VCPIP1: variants seen among roughly 807,000 people sequenced by gnomAD.
VCPIP1 encodes the protein valosin containing protein interacting protein 1.
VCPIP1 carries 8 observed loss-of-function variants against 85.0 expected under a neutral mutation model. The ratio of observed to expected loss-of-function variants is 0.09; its 90% CI spans 0.06 to 0.17. The LOEUF (loss-of-function observed/expected upper bound fraction) is 0.17, where lower values mean the gene tolerates loss of function less well. VCPIP1 is among the 10% of genes least tolerant of loss of function. The probability of loss-of-function intolerance (pLI) is 1.00; values close to 1 mark genes in which losing one functional copy is unlikely to be tolerated. For missense variants in VCPIP1, 1,070 were observed against 1,486.3 expected, an observed-to-expected ratio of 0.72 and a Z score of 4.61; for synonymous variants, 543 against 544.5, an observed-to-expected ratio of 1.00 and a Z score of 0.04.
At chr8:66,638,970 C>CTCTCTATA in intron 2 of VCPIP1, among the ~76,000 whole-genome samples, 14 of 118,434 alleles carry the variant, frequency 1.2e-4, no homozygotes, top group African/African-American at 5.1e-4. Flanking sequence ...CTCTCTCTCT[C>CTCTCTATA]TATATATATA....
Position 66,666,597 on chromosome 8 carries a change from C to G in VCPIP1, c.362G>C (p.Gly121Ala). 2 of 1,614,122 alleles carry G rather than the reference C, an allele frequency of 1.2e-6. No individual in the cohort carries two copies. The highest frequency in any genetic ancestry group is 1.7e-6 in the Non-Finnish European group (2 of 1,180,022). The change falls in exon 1 of 3, where the codon GGC (glycine) becomes GCC (alanine). Residue 121 changes from glycine (G) to alanine (A), a missense_variant. Gly to Ala is a moderately conservative substitution (Grantham distance 60). Transcript: ENST00000310421. The surrounding 1 kb of genome is among the most constrained non-coding windows in gnomAD (Gnocchi z 6.3). ...CAATTTGCAGTGATAGTTGGAAAGG[C>G]CCATCACCTTTACCAGTTCCGTGTT... ...KKNTELVKVM[G>A]LSNYHCKLLS...
intron 1 of VCPIP1, among the ~76,000 whole-genome samples, chr8:66,654,200 T>G: frequency 6.6e-6 from 1 of 152,196 alleles, no homozygotes; most frequent in East Asian, 1.9e-4. Flanking sequence ...GAAGGTCAAA[T>G]TGGCCAGGCT....
chr8:66,658,227 G>A (rs1349513314), intron 1 of VCPIP1, among the ~76,000 whole-genome samples: 1 of 151,382 alleles, frequency 6.6e-6, no homozygotes, highest in African/African-American at 2.4e-5. Flanking sequence ...CCAGCTACTC[G>A]GGAGGCTGAG....
chr8:66,655,856 T>C (rs915398134), intron 1 of VCPIP1, among the ~76,000 whole-genome samples: 4 of 152,092 alleles, frequency 2.6e-5, no homozygotes, highest in African/African-American at 4.8e-5. Flanking sequence ...ACTACAAAAG[T>C]AAAAATACTT....
rs1448805982 is a variant in VCPIP1 at position 66,637,377 on chromosome 8, C to T, written c.2798-2005G>A. Reference sequence around the variant, plus strand: ...CAAAACAAAACAAAAAACAAACACCCCAATTTAAAATATATATTTAAAAAT... The same window carrying T: ...CAAAACAAAACAAAAAACAAACACCTCAATTTAAAATATATATTTAAAAAT... On this transcript the variant is annotated intron_variant, in intron 2 of 2. Transcript: ENST00000310421. Among the ~76,000 whole-genome samples, 4 of 151,498 alleles carry T rather than the reference C, an allele frequency of 2.6e-5. No individual in the cohort carries two copies. The East Asian group carries it at 7.7e-4, about 29-fold the overall frequency.
intron 2 of VCPIP1, among the ~76,000 whole-genome samples, chr8:66,638,709 G>A (rs1429396255): frequency 6.6e-6 from 1 of 151,922 alleles, no homozygotes; most frequent in Admixed American, 6.6e-5. Context: ...AACCCAGGAG[G>A]CAGAGTTTGC....
At chr8:66,661,746 A>G (rs1452014641) in intron 1 of VCPIP1, among the ~76,000 whole-genome samples, 1 of 150,588 alleles carries the variant, frequency 6.6e-6, no homozygotes, top group Non-Finnish European at 1.5e-5. Flanking sequence ...AAAAATCTAT[A>G]TATAATCATA....
At chr8:66,658,574 C>A (rs985505126) in intron 1 of VCPIP1, among the ~76,000 whole-genome samples, 6 of 151,800 alleles carry the variant, frequency 4.0e-5, no homozygotes, top group African/African-American at 1.5e-4. Context: ...CTACAACCTC[C>A]GCCTCCTGGG....
intron 1 of VCPIP1, 31 bp downstream of exon 1, chr8:66,664,218 A>G: frequency 6.6e-7 from 1 of 1,514,926 alleles, no homozygotes; most frequent in Non-Finnish European, 8.8e-7. Context: ...TTTACAATTA[A>G]GATATACCAT....
chr8:66,664,880 A>C lies in VCPIP1; in HGVS notation c.2079T>G (p.Ile693Met), dbSNP rs762037002. ...AAGTTTTTGTTTTCTGTCCAGTAAG[A>C]ATAATTTTAGTTGGGAGCTGAGACT... is the stretch of plus-strand genomic sequence containing the variant. Reference protein sequence around the residue: ...ESESQLPTKIILTGQKTKTLH... With the variant: ...ESESQLPTKIMLTGQKTKTLH... The change falls in exon 1 of 3, where the codon ATT (isoleucine) becomes ATG (methionine). Residue 693 changes from isoleucine to methionine, a missense_variant. Transcript: ENST00000310421. The C allele has an allele frequency of 6.2e-7, 1 of 1,614,156 alleles. No homozygotes were observed. The highest frequency in any genetic ancestry group is 1.1e-5 in the South Asian group (1 of 91,082).
Position 66,665,524 on chromosome 8 carries a change from G to C in VCPIP1, c.1435C>G (p.His479Asp). The C allele has an allele frequency of 6.2e-7, 1 of 1,614,126 alleles. No individual in the cohort carries two copies. Among genetic ancestry groups the C allele is most frequent in the East Asian group, 2.2e-5 (1 of 44,878 alleles). ...CLLCGALSEL[H>D]VPPEWLAPGG... Reference sequence around the variant, plus strand: ...GGAGCCAACCACTCTGGAGGAACATGAAGTTCAGAAAGGGCACCACAGAGC... The same window carrying C: ...GGAGCCAACCACTCTGGAGGAACATCAAGTTCAGAAAGGGCACCACAGAGC... Residue 479 changes from histidine to aspartate, a missense_variant, in exon 1 of 3, where the codon CAT becomes GAT. His to Asp is a moderately conservative substitution (Grantham distance 81). Around this residue, in one of 8 missense-constraint regions of VCPIP1, gnomAD observed 83 missense variants for 134.6 expected, o/e 0.62. Transcript: ENST00000310421. The surrounding 1 kb of genome is among the most constrained non-coding windows in gnomAD (Gnocchi z 4.3).
chr8:66,664,116 A>G, intron 1 of VCPIP1, 133 bp downstream of exon 1: 1 of 1,194,562 alleles, frequency 8.4e-7, no homozygotes. Flanking sequence ...AAATACTAAA[A>G]ATAATTCTCT....
intron 2 of VCPIP1, among the ~76,000 whole-genome samples, chr8:66,635,922 A>T (rs1038140722): frequency 6.6e-6 from 1 of 150,600 alleles, no homozygotes; most frequent in African/African-American, 2.4e-5. Flanking sequence ...TCAAAAAAAA[A>T]AAAAAAAAAA....
chr8:66,667,017 C>T lies in VCPIP1; in HGVS notation c.-59G>A. 6.9e-7 allele frequency: 1 copy of T among 1,451,374 alleles called. No homozygotes were observed. Among genetic ancestry groups the T allele is most frequent in the South Asian group, 1.5e-5 (1 of 68,656 alleles). The allele number at this position is 1,451,374 out of a possible 1,614,324, so 89.9% of individuals were successfully genotyped here. A position where few individuals can be genotyped will look rare whatever the true frequency, so the allele number is the denominator to read the frequency against. On this transcript the variant is annotated 5_prime_UTR_variant, in exon 1 of 3. Transcript: ENST00000310421. ...AGGCGACCCTCAAAAGCTCATAGCC[C>T]AGACCCCCACCAACCCGACTCGGTC...
At chr8:66,659,739 T>C (rs945737496) in intron 1 of VCPIP1, among the ~76,000 whole-genome samples, 13 of 152,032 alleles carry the variant, frequency 8.6e-5, no homozygotes, top group African/African-American at 2.7e-4. Flanking sequence ...GAGACCAGCA[T>C]GGGCAACGTG....
chr8:66,656,854 C>G (rs1391466019), intron 1 of VCPIP1, among the ~76,000 whole-genome samples: 1 of 145,340 alleles, frequency 6.9e-6, no homozygotes, highest in Non-Finnish European at 1.5e-5. Flanking sequence ...AGGCGATCCG[C>G]CCCCTCGGCC....
rs753834400 is a variant in VCPIP1 at position 66,634,564 on chromosome 8, A to C, written c.3606T>G (p.Leu1202=). Residue 1202 remains leucine (L), a synonymous_variant, in exon 3 of 3, where the codon CTT becomes CTG. Transcript: ENST00000310421. ...CAGCATCTTGACTATCCATCTCTTC[A>C]AGCTCCTCCACGGAATTTCCCCTTT... ...KAQRGNSVEE[L]EEMDSQDAEM... The C allele has an allele frequency of 1.4e-5, 22 of 1,613,834 alleles. No homozygotes were observed. Among genetic ancestry groups the C allele is most frequent in the Non-Finnish European group, 1.7e-6 (2 of 1,179,968 alleles).
chr8:66,665,331 C>T lies in VCPIP1; in HGVS notation c.1628G>A (p.Gly543Asp). Residue 543 changes from glycine (G) to aspartate (D), a missense_variant, in exon 1 of 3, where the codon GGC (glycine) becomes GAC (aspartate). Physicochemically the swap from Gly to Asp is moderately conservative, Grantham distance 94 (BLOSUM62 -1). Around this residue, in one of 8 missense-constraint regions of VCPIP1, gnomAD observed 123 missense variants for 156.3 expected, o/e 0.79. Transcript: ENST00000310421. The surrounding 1 kb of genome is among the most constrained non-coding windows in gnomAD (Gnocchi z 4.3). ...TCCTCTGACCTTTCGCACAGATGTG[C>T]CATGGCACCAATTACAAGCTGTTAG... ...SNLTACNWCH[G>D]TSVRKVRGDG... 1 of 1,613,826 alleles carries T rather than the reference C, an allele frequency of 6.2e-7. No homozygotes were observed. The highest frequency in any genetic ancestry group is 8.5e-7 in the Non-Finnish European group (1 of 1,179,812).
In VCPIP1 at chr8:66,634,452, T is replaced by C. The variant is rs746217312; in HGVS notation, c.*49A>G. ...CAAGTTACGTGGCCCAGCCAACAAA[T>C]ATTACATATTCACAATAAACATTCT... On this transcript the variant is annotated 3_prime_UTR_variant, in exon 3 of 3. Transcript: ENST00000310421. 7 of 1,522,122 alleles carry C rather than the reference T, an allele frequency of 4.6e-6. No homozygotes were observed. Among genetic ancestry groups the C allele is most frequent in the Non-Finnish European group, 6.2e-6 (7 of 1,137,640 alleles). 94.3% of individuals were successfully genotyped at this position (1,522,122 alleles called of 1,614,324 possible).
Sources: gnomAD v4.1 joint callset for allele counts (sites outside exome capture counted in the v4.1 genomes callset) on GRCh38, gnomAD v4.1.1 for gene constraint, gnomAD v4.1.1 regional missense constraint, Gnocchi (gnomAD v3.1) non-coding constraint, MANE v1.5 for transcripts, NCBI Gene and HGNC (gene_info 2026-07-23, HGNC 2026-07-21) for gene names.